URB1: variants seen among roughly 807,000 people sequenced by gnomAD.
The protein encoded by URB1 is nucleolar pre-ribosomal-associated protein 1.
URB1 carries 197 observed loss-of-function variants against 242.3 expected under a neutral mutation model. That is an observed-to-expected ratio of 0.81 (90% confidence interval 0.72 to 0.91). The LOEUF (loss-of-function observed/expected upper bound fraction) is 0.91, where lower values mean the gene tolerates loss of function less well. Ranked by LOEUF, URB1 falls within the 40% of genes least tolerant of loss-of-function variation. The probability of loss-of-function intolerance (pLI) is 0.00; values close to 1 mark genes in which losing one functional copy is unlikely to be tolerated. For synonymous variants in URB1, 1,153 were observed against 1,201.8 expected (o/e 0.96, Z 0.84); for missense variants, 2,721 against 2,860.5 (o/e 0.95, Z 1.11).
At position 32,341,345 on chromosome 21, in the gene URB1, A is replaced by C. The variant is rs2033026458; in HGVS notation, c.4316+121T>G. 3.1e-6 allele frequency: 3 copies of C among 960,486 alleles called. No homozygotes were observed. The Admixed American group carries it at 7.8e-5, about 25-fold the overall frequency. The allele number at this position is 960,486 out of a possible 1,614,324, so 59.5% of individuals were successfully genotyped here. On this transcript the variant is annotated intron_variant, in intron 25 of 38. Transcript: ENST00000382751. ...ACTTCTCCAACTTCTATCTCTAAAA[A>C]CGAGGTGACATCGGCTCCACCACGT...
Position 32,392,766 on chromosome 21 carries a change from C to A in URB1, c.142+3G>T. On this transcript the variant is annotated splice_donor_region_variant and intron_variant, in intron 1 of 38. Coordinates refer to ENST00000382751, the MANE Select transcript of URB1 (RefSeq NM_014825.3). ...GACCCTGCGCCTGCCGCCCCGGACT[C>A]ACCTGGCCCGGGGCCCTGCGGGTCC... 1 of 1,471,162 alleles carries A rather than the reference C, an allele frequency of 6.8e-7. No homozygotes were observed. The highest frequency in any genetic ancestry group is 1.3e-5 in the South Asian group (1 of 77,498). 91.1% of individuals were successfully genotyped at this position (1,471,162 alleles called of 1,614,324 possible).
intron 36 of URB1, 66 bp from the exon 37 acceptor site, chr21:32,317,983 G>A (rs1380842660): frequency 6.5e-7 from 1 of 1,531,030 alleles, no homozygotes; most frequent in Non-Finnish European, 8.8e-7. Context: ...TCAGCACTGC[G>A]GCACCCTGAC....
intron 24 of URB1, among the ~76,000 whole-genome samples, chr21:32,343,642 G>A (rs1344549834): frequency 1.3e-5 from 2 of 152,186 alleles, no homozygotes; most frequent in African/African-American, 2.4e-5. Context: ...TTCAAAATAT[G>A]TAAACTTACC....
At chr21:32,360,597 T>A (rs2033272064) in intron 13 of URB1, among the ~76,000 whole-genome samples, 1 of 152,198 alleles carries the variant, frequency 6.6e-6, no homozygotes, top group African/African-American at 2.4e-5. Context: ...TGAACCTGAC[T>A]CAGTGGGGTA....
chr21:32,336,997 C>T (rs1189851013), intron 28 of URB1, 97 bp downstream of exon 28: 1 of 1,275,794 alleles, frequency 7.8e-7, no homozygotes, highest in Admixed American at 2.0e-5. Flanking sequence ...TCCCTGAGAA[C>T]CAAAATGGAA....
rs768036178 is a variant in URB1 at position 32,317,076 on chromosome 21, C to G, written c.6035-11G>C. ...TATCCTTGAGCATTTCTGTTAAATG[C>G]ACAAAGAGAAGGTAATGAGACTGGG... On this transcript the variant is annotated splice_polypyrimidine_tract_variant and intron_variant, in intron 37 of 38. Transcript: ENST00000382751. 1.1e-4 allele frequency: 169 copies of G among 1,517,478 alleles called. No individual in the cohort carries two copies. Among genetic ancestry groups the G allele is most frequent in the South Asian group, 2.4e-4 (19 of 78,202 alleles). 94.0% of individuals were successfully genotyped at this position (1,517,478 alleles called of 1,614,324 possible).
At chr21:32,371,089 G>T (rs568270510) in intron 8 of URB1, among the ~76,000 whole-genome samples, 1 of 152,318 alleles carries the variant, frequency 6.6e-6, no homozygotes, top group Non-Finnish European at 1.5e-5. Flanking sequence ...TTTCAGAAAG[G>T]GCTGTCCGGG....
intron 4 of URB1, among the ~76,000 whole-genome samples, chr21:32,381,945 TATAAG>T (rs2033531683): frequency 6.6e-6 from 1 of 152,216 alleles, no homozygotes; most frequent in Non-Finnish European, 1.5e-5. Context: ...TCCTATAACA[TATAAG>T]ATATCTAAGA....
intron 30 of URB1, among the ~76,000 whole-genome samples, chr21:32,330,163 G>A (rs1311503099): frequency 6.8e-6 from 1 of 148,114 alleles, no homozygotes; most frequent in Non-Finnish European, 1.5e-5. Flanking sequence ...AAGATGCTCA[G>A]AGCAACATCT....
At chr21:32,324,827 GAA>G (rs2032810566) in intron 31 of URB1, among the ~76,000 whole-genome samples, 1 of 152,204 alleles carries the variant, frequency 6.6e-6, no homozygotes, top group Admixed American at 6.5e-5. Flanking sequence ...ACAGCAGAGA[GAA>G]GTCTGGCACC....
Position 32,347,686 on chromosome 21 carries a change from G to A in URB1, c.3138C>T (p.Thr1046=), listed in dbSNP as rs957501770. ...LSPVLVKLLA[T]HFSAGVLQLL... ...GCTGAAGGACCCCTGCACTAAAGTGGGTGGCCAGGAGCTTCACGAGGACAG... is the reference window on the plus strand; with the variant it reads ...GCTGAAGGACCCCTGCACTAAAGTGAGTGGCCAGGAGCTTCACGAGGACAG... Residue 1046 remains threonine, a synonymous_variant, in exon 22 of 39, where the codon ACC becomes ACT. Transcript: ENST00000382751. 5.8e-6 allele frequency: 9 copies of A among 1,551,336 alleles called. No individual in the cohort carries two copies. Among genetic ancestry groups the A allele is most frequent in the Middle Eastern group, 1.7e-4 (1 of 6,014 alleles).
Position 32,314,989 on chromosome 21 carries a change from C to A in URB1, c.6745G>T (p.Ala2249Ser), listed in dbSNP as rs971006429. ...VRMVCEAADD[A>S]PSSEEEAIVV... ...ATGGCCTCCTCTTCACTGCTCGGGG[C>A]ATCATCTGCGGCCTCACACACCATC... The change falls in exon 39 of 39, where the codon GCC becomes TCC. Residue 2249 changes from alanine to serine, a missense_variant. Coordinates refer to ENST00000382751, the MANE Select transcript of URB1 (RefSeq NM_014825.3). 1.3e-6 allele frequency: 2 copies of A among 1,551,666 alleles called. No individual in the cohort carries two copies. The highest frequency in any genetic ancestry group is 2.7e-5 in the African/African-American group (2 of 73,172).
rs920301935 is a variant in URB1 at position 32,363,258 on chromosome 21, A to C, written c.1407T>G (p.Thr469=). The part of the protein sequence containing the change: ...ISVILKRALK[T]VDHCLNKEVW... ...CCTCTTTATTCAGGCAGTGGTCAAC[A>C]GTTTTTAATGCCCTCTTCAAAATGA... Residue 469 remains threonine, a synonymous_variant, in exon 11 of 39, where the codon ACT becomes ACG. Coordinates refer to ENST00000382751, the MANE Select transcript of URB1 (RefSeq NM_014825.3). 5 of 1,551,956 alleles carry C rather than the reference A, an allele frequency of 3.2e-6. No homozygotes were observed. The highest frequency in any genetic ancestry group is 2.4e-5 in the East Asian group (1 of 40,926).
At chr21:32,336,343 T>C (rs79918668) in intron 28 of URB1, among the ~76,000 whole-genome samples, 3,898 of 152,236 alleles carry the variant, frequency 0.026, 164 homozygotes, top group African/African-American at 0.089. Context: ...CTGAACAATC[T>C]TCCTTGGCCC....
intron 10 of URB1, among the ~76,000 whole-genome samples, chr21:32,364,968 GGA>G (rs1168916237): frequency 6.6e-6 from 1 of 152,260 alleles, no homozygotes; most frequent in African/African-American, 2.4e-5. Context: ...GCCAACAGCG[GGA>G]GAGGAGGCTG....
In URB1 at chr21:32,354,932, T is replaced by C. The variant is rs2033202192; in HGVS notation, c.2172A>G (p.Glu724=). ...TCATAGTGGCCTGCAGCATGCTTGCTTCTTGGACAAAGTCAGATGCTTTGT... is the reference window on the plus strand; with the variant it reads ...TCATAGTGGCCTGCAGCATGCTTGCCTCTTGGACAAAGTCAGATGCTTTGT... ...YTDKASDFVQ[E]ASMLQATMTK... Residue 724 remains glutamate (E), a synonymous_variant, in exon 17 of 39, where the codon GAA becomes GAG. Coordinates refer to ENST00000382751, the MANE Select transcript of URB1 (RefSeq NM_014825.3). 6.4e-7 allele frequency: 1 copy of C among 1,552,392 alleles called. No individual in the cohort carries two copies. Among genetic ancestry groups the C allele is most frequent in the Non-Finnish European group, 8.7e-7 (1 of 1,147,152 alleles).
rs2033066827 is a variant in URB1, at chr21:32,344,773, G to C, written c.4071-17C>G. 2 of 1,547,834 alleles carry C rather than the reference G, an allele frequency of 1.3e-6. No individual in the cohort carries two copies. The highest frequency in any genetic ancestry group is 1.4e-5 in the African/African-American group (1 of 73,058). On this transcript the variant is annotated splice_polypyrimidine_tract_variant and intron_variant, in intron 23 of 38. Coordinates refer to ENST00000382751, the MANE Select transcript of URB1 (RefSeq NM_014825.3). The stretch of plus-strand genomic sequence containing the variant: ...ACGATCCACCTGCAGCAGGAGATGA[G>C]AGTCAGAGACAGAGAGCAGGTTTAA...
chr21:32,359,034 G>A (rs530981087), intron 14 of URB1, among the ~76,000 whole-genome samples: 127 of 152,270 alleles, frequency 8.3e-4, no homozygotes, highest in Non-Finnish European at 1.6e-3. Flanking sequence ...ACGGGGACTC[G>A]AGGGAGAGAC....
intron 29 of URB1, 72 bp downstream of exon 29, chr21:32,334,091 G>A: frequency 6.9e-7 from 1 of 1,443,584 alleles, no homozygotes; most frequent in Non-Finnish European, 9.2e-7. Context: ...GAAAAACGAA[G>A]CTGAGGGTGC....
Sources: gnomAD v4.1 joint callset for allele counts (sites outside exome capture counted in the v4.1 genomes callset) on GRCh38, gnomAD v4.1.1 for gene constraint, MANE v1.5 for transcripts, NCBI Gene and HGNC (gene_info 2026-07-23, HGNC 2026-07-21) for gene names.